The following XIRP2 variants were observed in gnomAD, a reference collection of about 807,000 sequenced individuals.
XIRP2 encodes the protein xin actin binding repeat containing 2.
A neutral mutation model predicts 277.0 loss-of-function variants in XIRP2; 236 were observed. That is an observed-to-expected ratio of 0.85 (90% CI 0.77 to 0.95). XIRP2 has a LOEUF of 0.95. Among genes scored for constraint, XIRP2 ranks in the 40% least tolerant of loss-of-function variants. The pLI, the probability that XIRP2 is intolerant of heterozygous loss-of-function variation, is 0.00. For missense variants in XIRP2, 4,640 were observed against 4,157.5 expected, an observed-to-expected ratio of 1.12 and a Z score of -3.19; for synonymous variants, 1,490 against 1,416.5, an observed-to-expected ratio of 1.05 and a Z score of -1.17.
Position 167,248,497 on chromosome 2 carries a change from C to A in XIRP2, c.7105C>A (p.Pro2369Thr). ...SSSMFLPPPP[P>T]PTPSQKPAHL... is the part of the protein sequence containing the mutation. ...ATCGATGTTTCTGCCGCCTCCTCCT[C>A]CTCCAACTCCATCTCAAAAGCCAGC... The change falls in exon 9 of 11, where the codon CCT becomes ACT. Residue 2369 changes from proline (P) to threonine (T), a missense_variant. Transcript: ENST00000409195. 1 of 1,613,768 alleles carries A rather than the reference C, an allele frequency of 6.2e-7. No homozygotes were observed. Among genetic ancestry groups the A allele is most frequent in the Non-Finnish European group, 8.5e-7 (1 of 1,179,838 alleles).
Position 167,214,222 on chromosome 2 carries a change from G to GGAAGGAAGGAAGGAAGGA in XIRP2, c.723+3327_723+3328insGAAGGAAGGAAGGAAGGA, listed in dbSNP as rs1559024035. On this transcript the variant is annotated intron_variant, in intron 4 of 10. Transcript: ENST00000409195. ...AGAGAAAGAGAGGGAGGGAGGGAGG[G>GGAAGGAAGGAAGGAAGGA]AGGGAGGAAGGAAGGAAGGAAGGAA... 1.5e-3 allele frequency among the ~76,000 whole-genome samples: 102 copies of GGAAGGAAGGAAGGAAGGA among 68,450 alleles called. 3 individuals carry two copies. Among genetic ancestry groups the GGAAGGAAGGAAGGAAGGA allele is most frequent in the East Asian group, 7.8e-3 (15 of 1,914 alleles). The allele number at this position is 68,450 out of a possible 152,430, so 44.9% of individuals were successfully genotyped here.
chr2:166,928,662 T>C (rs1056351135), intron 2 of XIRP2, among the ~76,000 whole-genome samples: 1 of 152,170 alleles, frequency 6.6e-6, no homozygotes, highest in African/African-American at 2.4e-5. Context: ...TTTTGTGATT[T>C]AATCAATGTT....
chr2:167,256,199 ATC>A (rs140812835), intron 10 of XIRP2, among the ~76,000 whole-genome samples: 5,440 of 151,486 alleles, frequency 0.036, 132 homozygotes, highest in Non-Finnish European at 0.057. Context: ...TTAATATTTA[ATC>A]TGTTTTATTA....
chr2:167,158,148 A>G (rs911300218), intron 3 of XIRP2, among the ~76,000 whole-genome samples: 1 of 152,336 alleles, frequency 6.6e-6, no homozygotes, highest in East Asian at 1.9e-4. Context: ...CAAAGAGTAC[A>G]TATCCTTACA....
intron 2 of XIRP2, among the ~76,000 whole-genome samples, chr2:167,083,413 C>A (rs1046713088): frequency 5.3e-5 from 8 of 152,154 alleles, no homozygotes; most frequent in African/African-American, 1.7e-4. Context: ...CTTAGGATTG[C>A]CTTGGCGATG....
At chr2:167,023,229 G>GT (rs1406566399) in intron 2 of XIRP2, among the ~76,000 whole-genome samples, 1 of 152,062 alleles carries the variant, frequency 6.6e-6, no homozygotes, top group Non-Finnish European at 1.5e-5. Context: ...TTTTTCATGT[G>GT]TTTTTTGGCT....
chr2:167,120,061 C>A (rs568118215), intron 2 of XIRP2, among the ~76,000 whole-genome samples: 6 of 152,002 alleles, frequency 3.9e-5, no homozygotes, highest in Non-Finnish European at 7.4e-5. Context: ...CACTTTGCAC[C>A]AAGCCTTTAA....
At chr2:166,950,642 C>G (rs1420341303) in intron 2 of XIRP2, among the ~76,000 whole-genome samples, 2 of 152,080 alleles carry the variant, frequency 1.3e-5, no homozygotes, top group African/African-American at 4.8e-5. Flanking sequence ...CTCTAAATTA[C>G]TGCCCTTCAC....
At chr2:167,156,947 C>G (rs1265338894) in intron 3 of XIRP2, among the ~76,000 whole-genome samples, 1 of 152,046 alleles carries the variant, frequency 6.6e-6, no homozygotes, top group African/African-American at 2.4e-5. Context: ...TCTTCCAAGC[C>G]CCATTGAACT....
At chr2:167,085,104 A>G in intron 2 of XIRP2, among the ~76,000 whole-genome samples, 1 of 139,688 alleles carries the variant, frequency 7.2e-6, no homozygotes, top group Non-Finnish European at 1.6e-5. Context: ...CCCTCTACAC[A>G]CTGCTTTGAA....
At chr2:167,241,937 A>G (rs749362680) in intron 8 of XIRP2, 27 bp downstream of exon 8, 1 of 1,599,376 alleles carries the variant, frequency 6.3e-7, no homozygotes, top group Non-Finnish European at 8.5e-7. Flanking sequence ...ACACAGAAAC[A>G]TACTAAGTGT....
chr2:167,226,283 G>A (rs1485460459), intron 5 of XIRP2, among the ~76,000 whole-genome samples: 1 of 152,058 alleles, frequency 6.6e-6, no homozygotes, highest in Non-Finnish European at 1.5e-5. Flanking sequence ...TCAAAACTGT[G>A]TCCATGGCGC....
chr2:166,901,683 C>T (rs1684390350), intron 1 of XIRP2, among the ~76,000 whole-genome samples: 1 of 152,088 alleles, frequency 6.6e-6, no homozygotes, highest in Non-Finnish European at 1.5e-5. Flanking sequence ...ATATGAGACA[C>T]AGACATTAAC....
chr2:167,056,057 G>C (rs925591285), intron 2 of XIRP2, among the ~76,000 whole-genome samples: 4 of 151,968 alleles, frequency 2.6e-5, no homozygotes, highest in African/African-American at 9.7e-5. Flanking sequence ...ATTTCGAAAA[G>C]TTAAGATTTG....
intron 3 of XIRP2, among the ~76,000 whole-genome samples, chr2:167,207,461 G>A (rs939002563): frequency 2.6e-5 from 4 of 152,056 alleles, no homozygotes; most frequent in South Asian, 2.1e-4. Context: ...TTTCTGTTAC[G>A]GAATGCAGAC....
chr2:167,258,686 G>A lies in XIRP2; in HGVS notation c.*869G>A, dbSNP rs760095942. ...TAAGAATAATAATAACAATTATGTA[G>A]CAGTCTCATATCTGAATAATTGCAG... On this transcript the variant is annotated 3_prime_UTR_variant, in exon 11 of 11. Coordinates refer to ENST00000409195, the MANE Select transcript of XIRP2 (RefSeq NM_152381.6). The A allele has an allele frequency of 3.7e-6, 6 of 1,612,476 alleles. No homozygotes were observed. Among genetic ancestry groups the A allele is most frequent in the African/African-American group, 1.3e-5 (1 of 74,876 alleles).
intron 2 of XIRP2, among the ~76,000 whole-genome samples, chr2:167,098,973 G>A (rs1302321294): frequency 6.6e-6 from 1 of 152,176 alleles, no homozygotes; most frequent in Admixed American, 6.5e-5. Flanking sequence ...TGTATGAGGT[G>A]TCTGTCGACC....
At chr2:167,055,740 A>T (rs1689021968) in intron 2 of XIRP2, among the ~76,000 whole-genome samples, 1 of 152,206 alleles carries the variant, frequency 6.6e-6, no homozygotes, top group Non-Finnish European at 1.5e-5. Flanking sequence ...TGAAGTAAAA[A>T]CAAACTCCAA....
At chr2:166,909,782 A>G (rs1364430325) in intron 2 of XIRP2, among the ~76,000 whole-genome samples, 5 of 152,216 alleles carry the variant, frequency 3.3e-5, no homozygotes, top group Non-Finnish European at 1.5e-5. Context: ...TTATTTTGAG[A>G]TACATCCCAT....
Sources: gnomAD v4.1 joint callset for allele counts (sites outside exome capture counted in the v4.1 genomes callset) on GRCh38, gnomAD v4.1.1 for gene constraint, MANE v1.5 for transcripts, NCBI Gene and HGNC (gene_info 2026-07-23, HGNC 2026-07-21) for gene names.